Variants in TMCO1 observed in about 807,000 individuals in gnomAD.
TMCO1 encodes the protein calcium load-activated calcium channel.
In TMCO1, 29 loss-of-function variants were observed where a neutral mutation model predicts 29.3. That is an observed-to-expected ratio of 0.99 (90% CI 0.74 to 1.35). The LOEUF is 1.35. Among genes scored for constraint, TMCO1 ranks in the 40% most tolerant of loss-of-function variants. The probability of loss-of-function intolerance (pLI) is 0.00; values close to 1 mark genes in which losing one functional copy is unlikely to be tolerated. For missense variants in TMCO1, 173 were observed against 225.5 expected (o/e 0.77, Z 1.49); for synonymous variants, 80 against 77.1 (o/e 1.04, Z -0.20).
At position 165,759,607 on chromosome 1, in the gene TMCO1, G is replaced by T. The variant is rs536148165; in HGVS notation, c.149-23C>A. On this transcript the variant is annotated intron_variant, in intron 2 of 6. Transcript: ENST00000367881. ...CCACTGTAAACAACATAGTAACACA[G>T]TAAAAATTAACTGGATTATACTAAA... 38 of 1,597,844 alleles carry T rather than the reference G, an allele frequency of 2.4e-5. No homozygotes were observed. In the South Asian group the frequency reaches 4.0e-4, roughly 17 times the overall value.
intron 2 of TMCO1, among the ~76,000 whole-genome samples, chr1:165,761,627 C>G (rs568014417): frequency 5.9e-5 from 9 of 152,100 alleles, no homozygotes; most frequent in African/African-American, 2.2e-4. Context: ...AGAAAAATGT[C>G]AAATTTCACA....
At chr1:165,758,136 A>G (rs775278825) in intron 3 of TMCO1, among the ~76,000 whole-genome samples, 1 of 152,104 alleles carries the variant, frequency 6.6e-6, no homozygotes, top group Non-Finnish European at 1.5e-5. Flanking sequence ...GACATTTACC[A>G]TCATCATCAG....
chr1:165,736,466 C>T (rs1651390595), intron 6 of TMCO1, among the ~76,000 whole-genome samples: 1 of 152,080 alleles, frequency 6.6e-6, no homozygotes, highest in Non-Finnish European at 1.5e-5. Flanking sequence ...GCCTGTAATC[C>T]CAACACTTTG....
downstream of TMCO1, chr1:165,724,552 GACTCCACAGCAGAC>G (rs1378630159): frequency 1.3e-5 from 6 of 453,994 alleles, no homozygotes; most frequent in East Asian, 4.2e-4. Flanking sequence ...CAAATTCCCA[GACTCCACAGCAGAC>G]TTACAGATCA....
intron 6 of TMCO1, among the ~76,000 whole-genome samples, chr1:165,737,878 C>T (rs1651451208): frequency 6.6e-6 from 1 of 152,214 alleles, no homozygotes; most frequent in Non-Finnish European, 1.5e-5. Context: ...TAATGCTATA[C>T]CATGAGGTGA....
chr1:165,730,285 C>T (rs1651098192), intron 6 of TMCO1, among the ~76,000 whole-genome samples: 1 of 151,938 alleles, frequency 6.6e-6, no homozygotes, highest in East Asian at 1.9e-4. Context: ...TGCAGTGAGC[C>T]GAGATCGCGC....
intron 6 of TMCO1, among the ~76,000 whole-genome samples, chr1:165,738,848 C>G (rs1023529540): frequency 1.3e-5 from 2 of 152,182 alleles, no homozygotes; most frequent in African/African-American, 4.8e-5. Context: ...CAGCTGGGAT[C>G]TTGGGGAAGA....
chr1:165,761,416 TC>T (rs1033296727), intron 2 of TMCO1, among the ~76,000 whole-genome samples: 51 of 152,002 alleles, frequency 3.4e-4, no homozygotes, highest in African/African-American at 1.2e-3. Flanking sequence ...ATGCCTATAG[TC>T]CCAGCTACTC....
intron 2 of TMCO1, among the ~76,000 whole-genome samples, chr1:165,764,146 T>C (rs973507457): frequency 8.5e-5 from 13 of 152,372 alleles, no homozygotes; most frequent in African/African-American, 3.1e-4. Context: ...ATGATATAAA[T>C]GACATGAAGA....
At chr1:165,741,765 G>A (rs1416812889) in intron 6 of TMCO1, among the ~76,000 whole-genome samples, 1 of 150,192 alleles carries the variant, frequency 6.7e-6, no homozygotes, top group African/African-American at 2.4e-5. Context: ...CCTTGGTACT[G>A]TTCTTGTGAT....
intron 6 of TMCO1, among the ~76,000 whole-genome samples, chr1:165,729,563 G>A (rs1417840735): frequency 1.3e-5 from 2 of 151,880 alleles, no homozygotes; most frequent in African/African-American, 2.4e-5. Context: ...CAGGTGATCC[G>A]CCTGCCTCAG....
Position 165,768,692 on chromosome 1 carries a change from C to T in TMCO1, c.60G>A (p.Leu20=). 2.5e-6 allele frequency: 4 copies of T among 1,614,168 alleles called. No individual in the cohort carries two copies. The highest frequency in any genetic ancestry group is 1.1e-5 in the South Asian group (1 of 91,076). The part of the protein sequence containing the change: ...LIVFISVCTA[L]LAEGITWVLV... ...AATACCCGCTCTCACCCTCTGCGAG[C>T]AGAGCCGTGCACACAGAGATAAAAA... Residue 20 remains leucine (L), a synonymous_variant, in exon 1 of 7, where the codon CTG becomes CTA. Transcript: ENST00000367881.
At chr1:165,731,055 A>G (rs1268459245) in intron 6 of TMCO1, among the ~76,000 whole-genome samples, 4 of 151,984 alleles carry the variant, frequency 2.6e-5, no homozygotes, top group African/African-American at 9.7e-5. Context: ...GCACATCATC[A>G]TGCCCAGCTA....
In TMCO1 at chr1:165,727,939, A is replaced by C; in HGVS notation, c.*84T>G. ...AGAAAGAGGCCCAAGTAGTAAGGCT[A>C]CCTATGGCTCTTGCTACAAAACAGT... is the stretch of plus-strand genomic sequence containing the variant. On this transcript the variant is annotated 3_prime_UTR_variant, in exon 7 of 7. Transcript: ENST00000367881. 9.6e-7 allele frequency: 1 copy of C among 1,041,990 alleles called. No individual in the cohort carries two copies. The highest frequency in any genetic ancestry group is 1.5e-6 in the Non-Finnish European group (1 of 686,308). 64.5% of individuals were successfully genotyped at this position (1,041,990 alleles called of 1,614,324 possible).
intron 6 of TMCO1, among the ~76,000 whole-genome samples, chr1:165,731,048 C>T (rs1376118490): frequency 1.3e-5 from 2 of 151,906 alleles, no homozygotes; most frequent in Non-Finnish European, 2.9e-5. Context: ...TACAGGGGCA[C>T]ATCATCATGC....
At chr1:165,762,428 C>T (rs78067880) in intron 2 of TMCO1, among the ~76,000 whole-genome samples, 9,727 of 151,962 alleles carry the variant, frequency 0.064, 418 homozygotes, top group South Asian at 0.22. Context: ...GCATAGAAAA[C>T]AGGGCAATAA....
chr1:165,728,916 G>A (rs1651010059), intron 6 of TMCO1, among the ~76,000 whole-genome samples: 1 of 151,862 alleles, frequency 6.6e-6, no homozygotes, highest in Non-Finnish European at 1.5e-5. Context: ...GGACAACATG[G>A]TAAAACCCCA....
At chr1:165,726,033 T>A (rs921143915), downstream of TMCO1, 1 of 688,494 alleles carries the variant, frequency 1.5e-6, no homozygotes, top group Non-Finnish European at 2.7e-6. Flanking sequence ...AGCCTCAGGG[T>A]ATGAGTGATA....
chr1:165,750,533 C>T (rs1651954882), intron 5 of TMCO1, among the ~76,000 whole-genome samples: 1 of 138,492 alleles, frequency 7.2e-6, no homozygotes, highest in Non-Finnish European at 1.5e-5. Context: ...AAGAGCAAAA[C>T]TCCGTCTCAA....
Sources: allele counts gnomAD v4.1 joint callset (sites outside exome capture counted in the v4.1 genomes callset), GRCh38; gene constraint gnomAD v4.1.1; transcripts MANE v1.5; gene names NCBI Gene and HGNC (gene_info 2026-07-23, HGNC 2026-07-21).